NLGN1: variants seen among roughly 807,000 people sequenced by gnomAD.
The protein encoded by NLGN1 is neuroligin 1, also known as neuroligin-1.
Under a neutral mutation model 65.5 loss-of-function variants are expected in NLGN1, and 12 were observed. The observed-to-expected ratio is 0.18, with a 90% confidence interval of 0.12 to 0.30. The LOEUF (loss-of-function observed/expected upper bound fraction) is 0.30. Ranked by LOEUF, NLGN1 falls within the 10% of genes least tolerant of loss-of-function variation. The pLI is 1.00. For missense variants in NLGN1, 750 were observed against 1,007.1 expected (o/e 0.74, Z 3.46); for synonymous variants, 350 against 359.5 (o/e 0.97, Z 0.30).
chr3:174,285,370 T>C (rs1751989324), exon 7 of NLGN1: 1 of 151,548 alleles, frequency 6.6e-6, no homozygotes, highest in South Asian at 2.1e-4. Context: ...TTGGTTATAC[T>C]TGTGAAAACA....
intron 4 of NLGN1, among the ~76,000 whole-genome samples, chr3:173,876,363 C>G (rs990501555): frequency 3.9e-5 from 6 of 152,112 alleles, no homozygotes; most frequent in African/African-American, 1.4e-4. Flanking sequence ...AAAAATTTAG[C>G]AAGATTTAAT....
chr3:174,172,242 T>G (rs374108441), intron 4 of NLGN1, among the ~76,000 whole-genome samples: 35 of 152,220 alleles, frequency 2.3e-4, no homozygotes, highest in East Asian at 1.9e-3. Flanking sequence ...AATAATCACA[T>G]TGGGGTGAAT....
intron 4 of NLGN1, among the ~76,000 whole-genome samples, chr3:173,836,575 C>T (rs542634734): frequency 2.0e-5 from 3 of 152,214 alleles, no homozygotes; most frequent in South Asian, 2.1e-4. Flanking sequence ...ATAGTTTTGT[C>T]AGATTTTCTT....
chr3:174,011,731 T>G (rs1354273673), intron 4 of NLGN1, among the ~76,000 whole-genome samples: 2 of 152,064 alleles, frequency 1.3e-5, no homozygotes, highest in Non-Finnish European at 2.9e-5. Flanking sequence ...ACCTTCAGAG[T>G]TATTGTAAAG....
chr3:173,748,427 G>A (rs1308820780), intron 3 of NLGN1, among the ~76,000 whole-genome samples: 7 of 152,086 alleles, frequency 4.6e-5, no homozygotes, highest in Admixed American at 6.6e-5. Flanking sequence ...GGAAGAAAAT[G>A]TTGTAATGGG....
intron 4 of NLGN1, among the ~76,000 whole-genome samples, chr3:174,101,336 A>G (rs1385604502): frequency 1.3e-5 from 2 of 152,188 alleles, no homozygotes; most frequent in African/African-American, 4.8e-5. Context: ...GAAAAATTGT[A>G]TAAGGTGTTT....
At chr3:173,761,067 G>T (rs1777899849) in intron 3 of NLGN1, among the ~76,000 whole-genome samples, 1 of 152,004 alleles carries the variant, frequency 6.6e-6, no homozygotes, top group South Asian at 2.1e-4. Flanking sequence ...TTCATTTCCA[G>T]CTGTATTGTG....
chr3:173,788,637 G>A (rs1394836631), intron 3 of NLGN1, among the ~76,000 whole-genome samples: 2 of 151,902 alleles, frequency 1.3e-5, no homozygotes, highest in Non-Finnish European at 2.9e-5. Flanking sequence ...CAGGTAGAGT[G>A]GTGGAGTCAG....
chr3:173,679,252 TA>T (rs1343749208), intron 3 of NLGN1, among the ~76,000 whole-genome samples: 1 of 150,544 alleles, frequency 6.6e-6, no homozygotes. Flanking sequence ...CTAGGGCTAG[TA>T]AAAAATGAAA....
intron 4 of NLGN1, among the ~76,000 whole-genome samples, chr3:173,928,643 G>T (rs1039773013): frequency 6.6e-6 from 1 of 150,654 alleles, no homozygotes; most frequent in South Asian, 2.1e-4. Context: ...ATATTTAGAG[G>T]TATGCTCACA....
rs569463962 is a variant in NLGN1 at position 173,443,560 on chromosome 3, T to C, written c.-321+8482T>C. Among the ~76,000 whole-genome samples the C allele has an allele frequency of 3.4e-4, 51 of 152,238 alleles. 1 individual carries two copies. Among genetic ancestry groups the C allele is most frequent in the African/African-American group, 1.2e-3 (48 of 41,564 alleles). On this transcript the variant is annotated intron_variant, in intron 2 of 6. Transcript: ENST00000457714. Reference sequence around the variant, plus strand: ...ATTGTATGTGCAGTATCAATAAGGATGCACACAGCACATTTTAAAAATTTA... The same window carrying C: ...ATTGTATGTGCAGTATCAATAAGGACGCACACAGCACATTTTAAAAATTTA...
chr3:173,820,900 A>G (rs1158551607), intron 4 of NLGN1, among the ~76,000 whole-genome samples: 2 of 152,188 alleles, frequency 1.3e-5, no homozygotes, highest in African/African-American at 4.8e-5. Flanking sequence ...TAAAGATAAG[A>G]AATAAAAGGA....
chr3:173,909,864 G>T (rs1001937582), intron 4 of NLGN1, among the ~76,000 whole-genome samples: 2 of 152,106 alleles, frequency 1.3e-5, no homozygotes, highest in Non-Finnish European at 2.9e-5. Context: ...TTTCAGTAGA[G>T]ACGGGGTTTC....
chr3:173,997,771 A>G (rs2152422724), intron 4 of NLGN1, among the ~76,000 whole-genome samples: 1 of 152,256 alleles, frequency 6.6e-6, no homozygotes, highest in Admixed American at 6.5e-5. Context: ...ACACCCACTT[A>G]AAAAATATCC....
intron 4 of NLGN1, among the ~76,000 whole-genome samples, chr3:173,987,934 A>G (rs1279636124): frequency 1.3e-5 from 2 of 152,192 alleles, no homozygotes; most frequent in Non-Finnish European, 2.9e-5. Context: ...CAATGGCAAT[A>G]TTTTAAAGTG....
chr3:173,816,610 G>T (rs6791322), intron 4 of NLGN1, among the ~76,000 whole-genome samples: 128,189 of 152,270 alleles, frequency 0.84, 54,824 homozygotes, highest in African/African-American at 0.93. Flanking sequence ...CATTATTCAT[G>T]TAGCATAAAA....
At chr3:174,199,170 T>C (rs1294000989) in intron 4 of NLGN1, among the ~76,000 whole-genome samples, 1 of 152,162 alleles carries the variant, frequency 6.6e-6, no homozygotes, top group African/African-American at 2.4e-5. Context: ...ATTCATTTTA[T>C]GGAGCAGCTT....
At chr3:174,083,083 G>T (rs1357823688) in intron 4 of NLGN1, among the ~76,000 whole-genome samples, 1 of 152,018 alleles carries the variant, frequency 6.6e-6, no homozygotes, top group African/African-American at 2.4e-5. Flanking sequence ...CATAGATTAT[G>T]TTCTTAAATA....
At chr3:174,040,229 C>T (rs1201155134) in intron 4 of NLGN1, among the ~76,000 whole-genome samples, 1 of 152,066 alleles carries the variant, frequency 6.6e-6, no homozygotes, top group Non-Finnish European at 1.5e-5. Context: ...ATGCTCACCA[C>T]ATGTCTTCTG....
Sources: gnomAD v4.1 joint callset for allele counts (sites outside exome capture counted in the v4.1 genomes callset) on GRCh38, gnomAD v4.1.1 for gene constraint, MANE v1.5 for transcripts, NCBI Gene and HGNC (gene_info 2026-07-23, HGNC 2026-07-21) for gene names.